The following ZNF823 variants were observed in gnomAD, a reference collection of about 807,000 sequenced individuals.
The protein encoded by ZNF823 is ZFP 36 for a zinc finger protein.
A neutral mutation model predicts 11.4 loss-of-function variants in ZNF823; 5 were observed. That is an observed-to-expected ratio of 0.44 (90% CI 0.23 to 0.92). ZNF823 has a LOEUF of 0.92. Among genes scored for constraint, ZNF823 ranks in the 40% least tolerant of loss-of-function variants. The pLI, the probability that ZNF823 is intolerant of heterozygous loss-of-function variation, is 0.24. For synonymous variants in ZNF823, 234 were observed against 250.5 expected, an observed-to-expected ratio of 0.93 and a Z score of 0.62; for missense variants, 582 against 738.5, an observed-to-expected ratio of 0.79 and a Z score of 2.46.
chr19:11,725,416 T>G, intron 1 of ZNF823, 89 bp from the exon 2 acceptor site: 1 of 1,557,068 alleles, frequency 6.4e-7, no homozygotes, highest in Non-Finnish European at 8.8e-7. Flanking sequence ...CATGATGCTG[T>G]GGTTTCCAAG....
In ZNF823 at chr19:11,722,744, G is replaced by C. The variant is rs1011809259; in HGVS notation, c.790C>G (p.Leu264Val). ...CCGGTGTGAGTTCTCTCATGTCTTA[G>C]ATAGGTACTGTAATCAGGAAAGGCT... ...SKAFPDYSTYLRHERTHTGEK... is the reference protein window; with the variant it reads ...SKAFPDYSTYVRHERTHTGEK... The change falls in exon 4 of 4, where the codon CTA (leucine) becomes GTA (valine). Residue 264 changes from leucine (L) to valine (V), a missense_variant. Physicochemically the swap from Leu to Val is conservative, Grantham distance 32. Transcript: ENST00000341191. The surrounding 1 kb of genome is among the most constrained non-coding windows in gnomAD (Gnocchi z 5.2). 7 of 1,614,032 alleles carry C rather than the reference G, an allele frequency of 4.3e-6. No homozygotes were observed. The highest frequency in any genetic ancestry group is 5.9e-6 in the Non-Finnish European group (7 of 1,180,032).
intron 1 of ZNF823, among the ~76,000 whole-genome samples, chr19:11,737,747 A>C (rs1056654695): frequency 1.3e-5 from 2 of 152,142 alleles, no homozygotes; most frequent in African/African-American, 2.4e-5. Context: ...AAGAGTTCAT[A>C]AAGTTGCTGG....
chr19:11,738,096 C>T (rs903968289), intron 1 of ZNF823, among the ~76,000 whole-genome samples: 2 of 152,202 alleles, frequency 1.3e-5, no homozygotes, highest in African/African-American at 4.8e-5. Flanking sequence ...TAACCAGGTG[C>T]CCTCAGCCCC....
chr19:11,727,953 T>G (rs1383226711), intron 1 of ZNF823, among the ~76,000 whole-genome samples: 1 of 151,512 alleles, frequency 6.6e-6, no homozygotes, highest in African/African-American at 2.4e-5. Flanking sequence ...AGTGTCTCGC[T>G]GCAAGCTCCG....
intron 1 of ZNF823, among the ~76,000 whole-genome samples, chr19:11,737,560 C>CT (rs766360043): frequency 0.02 from 2,257 of 110,374 alleles, 71 homozygotes; most frequent in East Asian, 0.13. Flanking sequence ...CCGCGCCCGG[C>CT]TTTTTTTTTT....
intron 1 of ZNF823, among the ~76,000 whole-genome samples, chr19:11,734,246 A>T (rs1177129413): frequency 2.0e-5 from 3 of 151,750 alleles, no homozygotes; most frequent in Non-Finnish European, 4.4e-5. Context: ...GTCTCAAAAA[A>T]AAAAAAAAGA....
rs145832992 is a variant in ZNF823, at chr19:11,725,140, G to T, written c.130+61C>A. 3 of 1,582,980 alleles carry T rather than the reference G, an allele frequency of 1.9e-6. No homozygotes were observed. In the African/African-American group the frequency reaches 4.1e-5, roughly 21 times the overall value. On this transcript the variant is annotated intron_variant, in intron 2 of 3. Coordinates refer to ENST00000341191, the MANE Select transcript of ZNF823 (RefSeq NM_001080493.4). The stretch of plus-strand genomic sequence containing the variant: ...TTCCATATTTCAAATCATGAACAGC[G>T]TTGATGGCCAGGAAACAAATGTCTC...
chr19:11,724,028 G>A (rs1449493073), intron 3 of ZNF823, among the ~76,000 whole-genome samples, 166 bp downstream of exon 3: 1 of 152,150 alleles, frequency 6.6e-6, no homozygotes, highest in Non-Finnish European at 1.5e-5. Context: ...GCCTCCCAAA[G>A]TGCTGGGATT....
intron 1 of ZNF823, among the ~76,000 whole-genome samples, chr19:11,735,491 CT>C (rs1422282574): frequency 2.6e-5 from 4 of 152,152 alleles, no homozygotes; most frequent in African/African-American, 9.7e-5. Context: ...CCACATGTCT[CT>C]GCCTGTGGAT....
At chr19:11,728,709 C>T (rs532967724) in intron 1 of ZNF823, among the ~76,000 whole-genome samples, 4 of 152,176 alleles carry the variant, frequency 2.6e-5, no homozygotes, top group Admixed American at 6.5e-5. Flanking sequence ...ATATAGAATG[C>T]TCAGTTAAAA....
rs765027341 is a variant in ZNF823 at position 11,721,866 on chromosome 19, T to A, written c.1668A>T (p.Glu556Asp). The A allele has an allele frequency of 1.9e-6, 3 of 1,613,730 alleles. No individual in the cohort carries two copies. In the Admixed American group the frequency reaches 5.0e-5, roughly 27 times the overall value. Residue 556 changes from glutamate to aspartate, a missense_variant, in exon 4 of 4, where the codon GAA becomes GAT. Physicochemically the swap from Glu to Asp is conservative, Grantham distance 45. Around this residue, in one of 3 missense-constraint regions of ZNF823, gnomAD observed 144 missense variants for 154.3 expected, o/e 0.93. Coordinates refer to ENST00000341191, the MANE Select transcript of ZNF823 (RefSeq NM_001080493.4). The part of the protein sequence containing the change: ...ERIHTGEKPY[E>D]CLQCGKAFTR... ...TGAAGGCTTTACCACATTGTAGACATTCATAGGGTTTCTCTCCAGTGTGAA... is the reference window on the plus strand; with the variant it reads ...TGAAGGCTTTACCACATTGTAGACAATCATAGGGTTTCTCTCCAGTGTGAA...
chr19:11,721,386 C>T lies in ZNF823; in HGVS notation c.*315G>A, dbSNP rs950290474. 2.7e-5 allele frequency: 6 copies of T among 224,828 alleles called. No individual in the cohort carries two copies. Among genetic ancestry groups the T allele is most frequent in the South Asian group, 1.2e-4 (1 of 8,646 alleles). The allele number at this position is 224,828 out of a possible 1,614,324, so 13.9% of individuals were successfully genotyped here. A position where few individuals can be genotyped will look rare whatever the true frequency, so the allele number is the denominator to read the frequency against. On this transcript the variant is annotated 3_prime_UTR_variant, in exon 4 of 4. Transcript: ENST00000341191. ...TCTTGTCATGATTCTCTAAACAATA[C>T]AATCAAACAACTATTTACATAGCTT...
At chr19:11,723,966 T>C (rs1307032853) in intron 3 of ZNF823, among the ~76,000 whole-genome samples, 9 of 152,216 alleles carry the variant, frequency 5.9e-5, no homozygotes, top group Admixed American at 5.9e-4. Context: ...GATCTCACTA[T>C]GTTGCCCAGG....
chr19:11,727,947 T>TCGCGATCTCAG (rs113659507), intron 1 of ZNF823, among the ~76,000 whole-genome samples: 31,740 of 81,096 alleles, frequency 0.39, 3,899 homozygotes, highest in African/African-American at 0.54. Flanking sequence ...GAGTTCAGTG[T>TCGCGATCTCAG]CTCGCTGCAA....
intron 1 of ZNF823, chr19:11,730,606 G>T (rs1974875621): frequency 6.6e-6 from 1 of 151,882 alleles, no homozygotes; most frequent in South Asian, 2.1e-4. Context: ...TGAGAAAATG[G>T]CTGAAAATTA....
In ZNF823 at chr19:11,725,116, T is replaced by G. The variant is rs1599701776; in HGVS notation, c.130+85A>C. 5 of 1,525,936 alleles carry G rather than the reference T, an allele frequency of 3.3e-6. No individual in the cohort carries two copies. In the African/African-American group the frequency reaches 6.9e-5, roughly 21 times the overall value. The allele number at this position is 1,525,936 out of a possible 1,614,324, so 94.5% of individuals were successfully genotyped here. A position where few individuals can be genotyped will look rare whatever the true frequency, so the allele number is the denominator to read the frequency against. On this transcript the variant is annotated intron_variant, in intron 2 of 3. Coordinates refer to ENST00000341191, the MANE Select transcript of ZNF823 (RefSeq NM_001080493.4). ...GTTCAAGGGTCAACCATATCCTCTT[T>G]CCATATTTCAAATCATGAACAGCGT...
Position 11,721,630 on chromosome 19 carries a change from T to A in ZNF823, c.*71A>T, listed in dbSNP as rs1418104946. The A allele has an allele frequency of 7.0e-6, 10 of 1,423,480 alleles. No individual in the cohort carries two copies. The highest frequency in any genetic ancestry group is 9.5e-6 in the Non-Finnish European group (10 of 1,048,728). 88.2% of individuals were successfully genotyped at this position (1,423,480 alleles called of 1,614,324 possible). ...TTATCCCATGTTTACATTCATAGGG[T>A]CTATCTCCAAAGTGAGTTCTTTCAA... On this transcript the variant is annotated 3_prime_UTR_variant, in exon 4 of 4. Coordinates refer to ENST00000341191, the MANE Select transcript of ZNF823 (RefSeq NM_001080493.4).
In ZNF823 at chr19:11,721,689, C is replaced by T. The variant is rs774784044; in HGVS notation, c.*12G>A. 5.7e-6 allele frequency: 9 copies of T among 1,581,658 alleles called. No individual in the cohort carries two copies. The Admixed American group carries it at 1.1e-4, about 20-fold the overall frequency. ...AATTAAAGTACTGAATGTTTTCCCA[C>T]ATTCCATACATTTAGAGAGTATCTT... On this transcript the variant is annotated 3_prime_UTR_variant, in exon 4 of 4. Coordinates refer to ENST00000341191, the MANE Select transcript of ZNF823 (RefSeq NM_001080493.4).
Position 11,722,558 on chromosome 19 carries a change from G to A in ZNF823, c.976C>T (p.His326Tyr). 1 of 1,614,194 alleles carries A rather than the reference G, an allele frequency of 6.2e-7. No individual in the cohort carries two copies. Among genetic ancestry groups the A allele is most frequent in the Non-Finnish European group, 8.5e-7 (1 of 1,180,036 alleles). ...HTSFRRHMIRHTGDGPHKCKI... is the reference protein window; with the variant it reads ...HTSFRRHMIRYTGDGPHKCKI... ...CATTTATGTGGTCCGTCTCCAGTGT[G>A]CCTTATCATGTGTCTTCGAAAGCTT... Residue 326 changes from histidine (H) to tyrosine (Y), a missense_variant, in exon 4 of 4, where the codon CAC becomes TAC. This residue lies in a region of ZNF823 where 429 missense variants were observed against 553.7 expected (regional missense o/e 0.77). Transcript: ENST00000341191. The surrounding 1 kb of genome is among the most constrained non-coding windows in gnomAD (Gnocchi z 5.2).
Sources: allele counts gnomAD v4.1 joint callset (sites outside exome capture counted in the v4.1 genomes callset), GRCh38; gene constraint gnomAD v4.1.1; regional missense constraint gnomAD v4.1.1; non-coding constraint Gnocchi (gnomAD v3.1); transcripts MANE v1.5; gene names NCBI Gene and HGNC (gene_info 2026-07-23, HGNC 2026-07-21).